Variants in TTC28 observed in about 807,000 individuals in gnomAD.
TTC28 encodes the protein tetratricopeptide repeat domain 28, also known as tetratricopeptide repeat protein 28.
Under a neutral mutation model 198.0 loss-of-function variants are expected in TTC28, and 61 were observed. The observed-to-expected ratio is 0.31, with a 90% CI of 0.25 to 0.38. TTC28 has a LOEUF of 0.38. Ranked by LOEUF, TTC28 falls within the 10% of genes least tolerant of loss-of-function variation. The pLI is 1.00. For synonymous variants in TTC28, 1,171 were observed against 1,297.8 expected (o/e 0.90, Z 2.10); for missense variants, 2,678 against 3,164.0 (o/e 0.85, Z 3.69).
chr22:28,669,422 G>C lies in TTC28; in HGVS notation c.102+10200C>G, dbSNP rs923198939. Among the ~76,000 whole-genome samples, 3 of 152,034 alleles carry C rather than the reference G, an allele frequency of 2.0e-5. No homozygotes were observed. In the East Asian group the frequency reaches 5.8e-4, roughly 29 times the overall value. ...TCCTGATAGGGGAAGAATATTCCCA[G>C]AAGTGTGACCAGTTAGGGCCAAAAT... On this transcript the variant is annotated intron_variant, in intron 1 of 22. Transcript: ENST00000397906.
intron 2 of TTC28, among the ~76,000 whole-genome samples, chr22:28,431,610 C>T (rs1328846521): frequency 6.6e-6 from 1 of 152,182 alleles, no homozygotes; most frequent in Non-Finnish European, 1.5e-5. Context: ...TTTATGCTTA[C>T]ATTTTAAACA....
At chr22:28,413,760 T>G (rs2047125837) in intron 2 of TTC28, among the ~76,000 whole-genome samples, 1 of 150,650 alleles carries the variant, frequency 6.6e-6, no homozygotes. Context: ...AAAAAAAAGG[T>G]GGTAACTTTC....
At chr22:28,147,681 C>A (rs1264375636) in intron 6 of TTC28, among the ~76,000 whole-genome samples, 1 of 152,276 alleles carries the variant, frequency 6.6e-6, no homozygotes, top group Non-Finnish European at 1.5e-5. Flanking sequence ...GATTTCTAAA[C>A]AGGAATAATA....
At chr22:28,089,555 C>A (rs1040848033) in intron 12 of TTC28, among the ~76,000 whole-genome samples, 1 of 151,032 alleles carries the variant, frequency 6.6e-6, no homozygotes, top group Non-Finnish European at 1.5e-5. Context: ...AGGAGATATA[C>A]CTAATGCTTA....
At chr22:28,571,892 T>C (rs2050065712) in intron 2 of TTC28, among the ~76,000 whole-genome samples, 1 of 146,904 alleles carries the variant, frequency 6.8e-6, no homozygotes, top group Non-Finnish European at 1.5e-5. Flanking sequence ...AGGGTTGCAG[T>C]GAGCTGAGAT....
intron 2 of TTC28, among the ~76,000 whole-genome samples, chr22:28,335,808 T>C (rs1233387278): frequency 6.6e-6 from 1 of 152,212 alleles, no homozygotes; most frequent in Admixed American, 6.5e-5. Context: ...ACTTCCTCTT[T>C]TCCTAACTGA....
chr22:28,167,043 C>A (rs964394350), intron 5 of TTC28, among the ~76,000 whole-genome samples: 1 of 152,132 alleles, frequency 6.6e-6, no homozygotes, highest in Non-Finnish European at 1.5e-5. Flanking sequence ...ACTATAAACA[C>A]CTCTACGCAA....
intron 2 of TTC28, among the ~76,000 whole-genome samples, chr22:28,504,923 C>T (rs1271492785): frequency 6.6e-6 from 1 of 151,800 alleles, no homozygotes; most frequent in African/African-American, 2.4e-5. Context: ...TGAAATTTTT[C>T]ATAAGTATTT....
intron 14 of TTC28, among the ~76,000 whole-genome samples, chr22:28,009,294 C>T (rs986580902): frequency 3.9e-5 from 6 of 152,194 alleles, no homozygotes; most frequent in Non-Finnish European, 5.9e-5. Context: ...CTGACCTAGT[C>T]CCTTAGCAAT....
chr22:28,373,797 C>T (rs565731695), intron 2 of TTC28, among the ~76,000 whole-genome samples: 1 of 127,686 alleles, frequency 7.8e-6, no homozygotes, highest in South Asian at 2.9e-4. Context: ...AAGGATACTA[C>T]AGTATAGGCA....
chr22:28,242,366 T>C (rs17409195), intron 5 of TTC28, among the ~76,000 whole-genome samples: 8,565 of 152,270 alleles, frequency 0.056, 354 homozygotes, highest in Admixed American at 0.14. Flanking sequence ...AAAGCTCTTG[T>C]TTCTCTAAAA....
intron 2 of TTC28, among the ~76,000 whole-genome samples, chr22:28,495,413 C>T (rs1265250782): frequency 1.3e-5 from 2 of 152,180 alleles, no homozygotes; most frequent in African/African-American, 2.4e-5. Flanking sequence ...ATGGCTGAAT[C>T]TGTTCCTCCA....
intron 2 of TTC28, among the ~76,000 whole-genome samples, chr22:28,590,134 T>C (rs1227336563): frequency 6.7e-6 from 1 of 149,770 alleles, no homozygotes; most frequent in African/African-American, 2.4e-5. Flanking sequence ...CTAAATTTTT[T>C]TTTTTTTTTT....
chr22:28,677,655 G>C (rs1002336612), intron 1 of TTC28, among the ~76,000 whole-genome samples: 3 of 151,842 alleles, frequency 2.0e-5, no homozygotes, highest in Admixed American at 6.6e-5. Flanking sequence ...ATAAAAATAA[G>C]GCCAGGTGCC....
chr22:28,363,030 G>T (rs1379820799), intron 2 of TTC28, among the ~76,000 whole-genome samples: 2 of 152,170 alleles, frequency 1.3e-5, no homozygotes, highest in Non-Finnish European at 2.9e-5. Context: ...GATGGCTGCA[G>T]AAATTTGCAT....
chr22:28,377,039 G>A (rs1406007597), intron 2 of TTC28, among the ~76,000 whole-genome samples: 2 of 151,332 alleles, frequency 1.3e-5, no homozygotes, highest in Non-Finnish European at 2.9e-5. Context: ...TACATAGGAC[G>A]TAACAGATTC....
intron 12 of TTC28, chr22:28,056,481 C>G (rs1181996175): frequency 6.6e-6 from 1 of 152,142 alleles, no homozygotes; most frequent in African/African-American, 2.4e-5. Context: ...TTATCACATA[C>G]CTGTCCAAGT....
At chr22:28,403,767 A>G (rs1272495527) in intron 2 of TTC28, among the ~76,000 whole-genome samples, 1 of 152,234 alleles carries the variant, frequency 6.6e-6, no homozygotes, top group East Asian at 1.9e-4. Flanking sequence ...GGAGAGTATT[A>G]GACAGGTTTT....
At chr22:28,380,279 C>T (rs2046475046) in intron 2 of TTC28, among the ~76,000 whole-genome samples, 1 of 151,958 alleles carries the variant, frequency 6.6e-6, no homozygotes, top group Non-Finnish European at 1.5e-5. Flanking sequence ...GAGAGAGAAG[C>T]AATTGTGTTT....
Sources: allele counts gnomAD v4.1 joint callset (sites outside exome capture counted in the v4.1 genomes callset), GRCh38; gene constraint gnomAD v4.1.1; transcripts MANE v1.5; gene names NCBI Gene and HGNC (gene_info 2026-07-23, HGNC 2026-07-21).